MIGA2: variants seen among roughly 807,000 people sequenced by gnomAD.
The protein encoded by MIGA2 is mitoguardin 2.
In MIGA2, 36 loss-of-function variants were observed where a neutral mutation model predicts 69.9. That is an observed-to-expected ratio of 0.52 (90% CI 0.39 to 0.68). MIGA2 has a LOEUF of 0.68. Among genes scored for constraint, MIGA2 ranks in the 30% least tolerant of loss-of-function variants. The pLI is 0.00. For missense variants in MIGA2, 660 were observed against 787.7 expected, an observed-to-expected ratio of 0.84 and a Z score of 1.94; for synonymous variants, 333 against 349.2, an observed-to-expected ratio of 0.95 and a Z score of 0.52.
rs768276698 is a variant in MIGA2 at position 129,069,845 on chromosome 9, G to A, written c.1459-4G>A. The A allele has an allele frequency of 3.7e-6, 6 of 1,610,434 alleles. No homozygotes were observed. Among genetic ancestry groups the A allele is most frequent in the South Asian group, 3.3e-5 (3 of 91,032 alleles). On this transcript the variant is annotated splice_region_variant and splice_polypyrimidine_tract_variant and intron_variant, in intron 14 of 15. Coordinates refer to ENST00000684074, the MANE Select transcript of MIGA2 (RefSeq NM_001329990.2). This position sits in a 1 kb window ranked among gnomAD's most constrained non-coding sequence, Gnocchi z 4.9. ...CTGGCCCCTCAGCCTTGTGCCCACC[G>A]CAGGTGCCTGATGGCTTCATCTCCC...
intron 3 of MIGA2, among the ~76,000 whole-genome samples, chr9:129,046,842 A>C (rs1184512581): frequency 1.3e-5 from 2 of 151,760 alleles, no homozygotes; most frequent in African/African-American, 4.8e-5. Flanking sequence ...GCAGTGGCAC[A>C]ATTTCAGCTC....
At chr9:129,049,166 C>T (rs942319841) in intron 4 of MIGA2, among the ~76,000 whole-genome samples, 2 of 152,168 alleles carry the variant, frequency 1.3e-5, no homozygotes, top group African/African-American at 4.8e-5. Flanking sequence ...AGGATTCCTT[C>T]CTGCTTTGGT....
rs1215214445 is a variant in MIGA2 at position 129,055,060 on chromosome 9, T to A, written c.676-4094T>A. On this transcript the variant is annotated intron_variant, in intron 6 of 15. Coordinates refer to ENST00000684074, the MANE Select transcript of MIGA2 (RefSeq NM_001329990.2). ...GCGCACGTCACCACGCCTGGCTAAT[T>A]TTTGTATTTTTTTTCTTTTCTTTTT... 4.0e-5 allele frequency among the ~76,000 whole-genome samples: 6 copies of A among 150,810 alleles called. No individual in the cohort carries two copies. The East Asian group carries it at 1.2e-3, about 29-fold the overall frequency.
chr9:129,045,228 G>A (rs1170240788), intron 3 of MIGA2, among the ~76,000 whole-genome samples: 1 of 151,200 alleles, frequency 6.6e-6, no homozygotes, highest in East Asian at 1.9e-4. Context: ...GGTCACCTGA[G>A]GACAGCAGTT....
chr9:129,052,112 C>T (rs1464241971), intron 6 of MIGA2, among the ~76,000 whole-genome samples: 3 of 151,776 alleles, frequency 2.0e-5, no homozygotes, highest in Admixed American at 6.6e-5. Flanking sequence ...AGGCGTGAGC[C>T]ACCGCGCCCA....
At position 129,070,433 on chromosome 9, in the gene MIGA2, C is replaced by A. The variant is rs761948206; in HGVS notation, c.1762C>A (p.Pro588Thr). Residue 588 changes from proline to threonine, a missense_variant, in exon 16 of 16, where the codon CCC becomes ACC. By Grantham distance (38) the Pro-to-Thr change is conservative (BLOSUM62 -1). Coordinates refer to ENST00000684074, the MANE Select transcript of MIGA2 (RefSeq NM_001329990.2). ...VNGALPRENGPLGELQ is the reference protein window; with the variant it reads ...VNGALPRENGTLGELQ ...TGGGGCGCTGCCCCGAGAGAATGGGCCCCTGGGGGAGCTGCAGTAGAGGCG... is the reference window on the plus strand; with the variant it reads ...TGGGGCGCTGCCCCGAGAGAATGGGACCCTGGGGGAGCTGCAGTAGAGGCG... The A allele has an allele frequency of 7.5e-6, 12 of 1,590,710 alleles. No individual in the cohort carries two copies. The South Asian group carries it at 1.2e-4, about 16-fold the overall frequency.
At chr9:129,066,038 T>G (rs1846322971) in intron 11 of MIGA2, among the ~76,000 whole-genome samples, 1 of 152,248 alleles carries the variant, frequency 6.6e-6, no homozygotes, top group South Asian at 2.1e-4. Flanking sequence ...TCCTCGGATA[T>G]TCTCCTGGCA....
intron 6 of MIGA2, among the ~76,000 whole-genome samples, chr9:129,055,536 T>C (rs958536008): frequency 6.6e-6 from 1 of 152,164 alleles, no homozygotes; most frequent in South Asian, 2.1e-4. Flanking sequence ...CAAAAAATTC[T>C]TCTATATACT....
In MIGA2 at chr9:129,068,520, G is replaced by A. The variant is rs892024250; in HGVS notation, c.1404+188G>A. 3 of 678,788 alleles carry A rather than the reference G, an allele frequency of 4.4e-6. No individual in the cohort carries two copies. In the African/African-American group the frequency reaches 5.4e-5, roughly 12 times the overall value. 42.0% of individuals were successfully genotyped at this position (678,788 alleles called of 1,614,324 possible). A position where few individuals can be genotyped will look rare whatever the true frequency, so the allele number is the denominator to read the frequency against. ...CTCCAGGGTGCCCCGTTGCTGCCTG[G>A]TGCCCCAGTTTAGAACCAACATGGT... On this transcript the variant is annotated intron_variant, in intron 13 of 15. Transcript: ENST00000684074. This position sits in a 1 kb window ranked among gnomAD's most constrained non-coding sequence, Gnocchi z 4.1.
chr9:129,045,625 A>G (rs1243253988), intron 3 of MIGA2, among the ~76,000 whole-genome samples: 1 of 151,726 alleles, frequency 6.6e-6, no homozygotes. Flanking sequence ...GAGAAAGAAC[A>G]TAAATTAGCT....
rs1234119578 is a variant in MIGA2 at position 129,042,456 on chromosome 9, G to C, written c.249G>C (p.Gln83His). The change falls in exon 3 of 16, where the codon CAG becomes CAC. Residue 83 changes from glutamine to histidine, a missense_variant. Coordinates refer to ENST00000684074, the MANE Select transcript of MIGA2 (RefSeq NM_001329990.2). ...KQVGPEMGGE[Q>H]LGTVPLPILL... Reference sequence around the variant, plus strand: ...TTGGTCCCGAGATGGGAGGGGAGCAGCTGGGCACGGTGCCCCTCCCTATCC... The same window carrying C: ...TTGGTCCCGAGATGGGAGGGGAGCACCTGGGCACGGTGCCCCTCCCTATCC... 6.2e-7 allele frequency: 1 copy of C among 1,608,086 alleles called. No individual in the cohort carries two copies. The highest frequency in any genetic ancestry group is 8.5e-7 in the Non-Finnish European group (1 of 1,177,770).
chr9:129,054,115 T>G (rs1176235268), intron 6 of MIGA2, among the ~76,000 whole-genome samples: 1 of 152,164 alleles, frequency 6.6e-6, no homozygotes, highest in Non-Finnish European at 1.5e-5. Flanking sequence ...CACAAAATTG[T>G]GTATCTATTA....
chr9:129,048,361 T>TG (rs1307581720), intron 3 of MIGA2, 66 bp from the exon 4 acceptor site: 2 of 1,278,884 alleles, frequency 1.6e-6, no homozygotes, highest in African/African-American at 1.5e-5. Flanking sequence ...TGGTCCAGAG[T>TG]GGGGGCAGCC....
chr9:129,038,432 T>TG (rs1844713159), intron 1 of MIGA2, among the ~76,000 whole-genome samples: 1 of 151,822 alleles, frequency 6.6e-6, no homozygotes, highest in Non-Finnish European at 1.5e-5. Context: ...GAGCTGGAAG[T>TG]GGGGGAGGAC....
Position 129,061,634 on chromosome 9 carries a change from C to T in MIGA2, c.1010+288C>T, listed in dbSNP as rs1846072769. On this transcript the variant is annotated intron_variant, in intron 9 of 15. Coordinates refer to ENST00000684074, the MANE Select transcript of MIGA2 (RefSeq NM_001329990.2). This position sits in a 1 kb window ranked among gnomAD's most constrained non-coding sequence, Gnocchi z 5.0. Reference sequence around the variant, plus strand: ...AATTCTGAGAGAGTGTATGCTTCTACAGCACATACACTGAAAAAAAAATTG... The same window carrying T: ...AATTCTGAGAGAGTGTATGCTTCTATAGCACATACACTGAAAAAAAAATTG... Among the ~76,000 whole-genome samples the T allele has an allele frequency of 6.6e-6, 1 of 152,136 alleles. No individual in the cohort carries two copies. Among genetic ancestry groups the T allele is most frequent in the Admixed American group, 6.5e-5 (1 of 15,276 alleles).
chr9:129,044,570 T>G (rs75920677), intron 3 of MIGA2, among the ~76,000 whole-genome samples: 1 of 151,922 alleles, frequency 6.6e-6, no homozygotes, highest in African/African-American at 2.4e-5. Flanking sequence ...TTGTTTTTTT[T>G]GAAACACAGT....
intron 3 of MIGA2, among the ~76,000 whole-genome samples, chr9:129,045,507 C>T (rs1285349413): frequency 2.7e-5 from 4 of 150,528 alleles, no homozygotes; most frequent in Non-Finnish European, 5.9e-5. Context: ...ACCTGTAATC[C>T]CAGCACTTTG....
chr9:129,062,032 AACTTG>A (rs1396260305), intron 9 of MIGA2, among the ~76,000 whole-genome samples: 2 of 148,692 alleles, frequency 1.3e-5, no homozygotes, highest in African/African-American at 2.5e-5. Flanking sequence ...AGAGACTGAG[AACTTG>A]ACTTTTTTTT....
intron 11 of MIGA2, among the ~76,000 whole-genome samples, chr9:129,066,696 A>C (rs1472874964): frequency 2.0e-5 from 3 of 148,586 alleles, no homozygotes; most frequent in South Asian, 2.1e-4. Context: ...GTAGTGGCTC[A>C]TGCCTGTAAT....
Sources: allele counts gnomAD v4.1 joint callset (sites outside exome capture counted in the v4.1 genomes callset), GRCh38; gene constraint gnomAD v4.1.1; non-coding constraint Gnocchi (gnomAD v3.1); transcripts MANE v1.5; gene names NCBI Gene and HGNC (gene_info 2026-07-23, HGNC 2026-07-21).